The following MAPK6 variants were observed in gnomAD, a reference collection of about 807,000 sequenced individuals.
MAPK6 encodes the protein ERK-3.
A neutral mutation model predicts 59.3 loss-of-function variants in MAPK6; 19 were observed. That is an observed-to-expected ratio of 0.32 (90% CI 0.22 to 0.47). The LOEUF is 0.47. MAPK6 is among the 20% of genes least tolerant of loss of function. The pLI is 1.00. For synonymous variants in MAPK6, 316 were observed against 290.3 expected (o/e 1.09, Z -0.90); for missense variants, 724 against 847.9 (o/e 0.85, Z 1.81).
chr15:52,025,928 C>T (rs567013478), intron 1 of MAPK6, among the ~76,000 whole-genome samples: 1 of 152,126 alleles, frequency 6.6e-6, no homozygotes, highest in Admixed American at 6.5e-5. Flanking sequence ...TCTTAATGTA[C>T]AAATTGGAGA....
At chr15:52,057,158 G>A (rs4627278) in intron 3 of MAPK6, 121,317 of 151,886 alleles carry the variant, frequency 0.8, 49,797 homozygotes, top group Non-Finnish European at 0.9. Flanking sequence ...TCCCTCCCCC[G>A]GTCCAGTCAG....
intron 3 of MAPK6, among the ~76,000 whole-genome samples, chr15:52,006,371 C>G (rs959476223): frequency 6.6e-6 from 1 of 152,052 alleles, no homozygotes; most frequent in Non-Finnish European, 1.5e-5. Context: ...CTAAAATGAC[C>G]AAATAGATTT....
At chr15:52,059,472 G>T (rs546402301) in intron 4 of MAPK6, among the ~76,000 whole-genome samples, 1 of 152,116 alleles carries the variant, frequency 6.6e-6, no homozygotes, top group Non-Finnish European at 1.5e-5. Context: ...TGAATTGGGA[G>T]GTGGAGTGGG....
At chr15:51,984,139 A>G (rs2057182999) in intron 2 of MAPK6, among the ~76,000 whole-genome samples, 1 of 152,182 alleles carries the variant, frequency 6.6e-6, no homozygotes, top group African/African-American at 2.4e-5. Flanking sequence ...GTTCAAATAA[A>G]TTATAATGAT....
intron 1 of MAPK6, among the ~76,000 whole-genome samples, chr15:52,022,693 C>T (rs1039739294): frequency 6.6e-5 from 10 of 151,780 alleles, no homozygotes; most frequent in Admixed American, 5.3e-4. Context: ...CTAGAGGAAA[C>T]ATAAAAATAC....
chr15:52,031,830 A>G (rs951389789), intron 1 of MAPK6, among the ~76,000 whole-genome samples: 1 of 152,202 alleles, frequency 6.6e-6, no homozygotes, highest in Non-Finnish European at 1.5e-5. Context: ...TCCTGTCTCA[A>G]GATAAATAAA....
intron 3 of MAPK6, among the ~76,000 whole-genome samples, chr15:52,055,404 T>C (rs966662689): frequency 1.3e-5 from 2 of 152,206 alleles, no homozygotes; most frequent in Non-Finnish European, 2.9e-5. Flanking sequence ...AGACTTTGTC[T>C]TAGAACAAAA....
chr15:52,064,739 G>A lies in MAPK6; in HGVS notation c.1905G>A (p.Arg635=), dbSNP rs143385036. 1.3e-4 allele frequency: 206 copies of A among 1,611,864 alleles called. 1 individual carries two copies. In the Middle Eastern group the frequency reaches 4.1e-3, roughly 32 times the overall value. Residue 635 remains arginine (R), a synonymous_variant, in exon 6 of 6, where the codon AGG becomes AGA. Transcript: ENST00000261845. The stretch of plus-strand genomic sequence containing the variant: ...GTTACTTGGACAAGTTCTTTAGCAG[G>A]AAAGAAGATACTGAAATGCTAGAAA... The part of the protein sequence containing the change: ...YTSYLDKFFS[R]KEDTEMLETE...
At chr15:52,023,699 C>T (rs2141853925) in intron 1 of MAPK6, among the ~76,000 whole-genome samples, 1 of 152,384 alleles carries the variant, frequency 6.6e-6, no homozygotes, top group South Asian at 2.1e-4. Flanking sequence ...GCAACCTCCA[C>T]CTCCTAGGTT....
intron 2 of MAPK6, among the ~76,000 whole-genome samples, chr15:51,990,040 AAC>A (rs2057203120): frequency 6.6e-6 from 1 of 152,260 alleles, no homozygotes. Context: ...TTGGCTACTA[AAC>A]ACAGCAAGAT....
intron 1 of MAPK6, among the ~76,000 whole-genome samples, chr15:52,029,036 C>T (rs913575288): frequency 3.3e-5 from 5 of 152,148 alleles, no homozygotes; most frequent in African/African-American, 1.2e-4. Flanking sequence ...CCTTGTTATA[C>T]TGTATGCTTT....
upstream of MAPK6, chr15:52,017,295 G>C (rs576048379): frequency 6.6e-6 from 1 of 152,360 alleles, no homozygotes; most frequent in East Asian, 1.9e-4. Context: ...GGAGTTAAGA[G>C]CAATGGTTTG....
intron 1 of MAPK6, among the ~76,000 whole-genome samples, chr15:52,040,906 T>C (rs1405790146): frequency 6.6e-6 from 1 of 152,264 alleles, no homozygotes; most frequent in East Asian, 1.9e-4. Context: ...ACTTTTATTC[T>C]TATAAATTAT....
chr15:52,017,457 T>C (rs2030306211), upstream of MAPK6: 1 of 152,218 alleles, frequency 6.6e-6, no homozygotes, highest in African/African-American at 2.4e-5. Flanking sequence ...CAGAAATAAA[T>C]CACAATGATG....
In MAPK6 at chr15:52,064,793, GGA is replaced by G. The variant is rs1566916674; in HGVS notation, c.1965_1966del (p.Gly656ThrfsTer2). 1 of 1,611,908 alleles carries G rather than the reference GGA, an allele frequency of 6.2e-7. No homozygotes were observed. Among genetic ancestry groups the G allele is most frequent in the Middle Eastern group, 2.3e-4 (1 of 4,430 alleles). ...TEPVEDGKLG[E>X]RGHEEGFLNN... ...AGCCAGTAGAGGATGGGAAGCTTGG[GGA>G]GAGAGGACATGAGGAAGGATTTCTG... On this transcript the variant is annotated frameshift_variant, in exon 6 of 6. Transcript: ENST00000261845. LOFTEE classifies it high-confidence loss of function.
chr15:52,027,081 C>T (rs1045137428), intron 1 of MAPK6, among the ~76,000 whole-genome samples: 10 of 151,090 alleles, frequency 6.6e-5, no homozygotes, highest in Admixed American at 2.6e-4. Flanking sequence ...CAGCCGGGCG[C>T]GGTGGCTAAT....
At chr15:52,003,494 T>C (rs1485158055) in intron 2 of MAPK6, among the ~76,000 whole-genome samples, 1 of 152,118 alleles carries the variant, frequency 6.6e-6, no homozygotes, top group Non-Finnish European at 1.5e-5. Flanking sequence ...CGGAAGGAAA[T>C]GGTAGCTGAC....
At chr15:52,019,706 A>T (rs961317631) in intron 1 of MAPK6, among the ~76,000 whole-genome samples, 1 of 149,316 alleles carries the variant, frequency 6.7e-6, no homozygotes, top group African/African-American at 2.4e-5. Context: ...TCGCCCTGCC[A>T]GGCCGCGCCC....
chr15:52,053,594 GATTGATTGGTTGATTGATTGATTGA>G (rs2031858862), intron 3 of MAPK6, among the ~76,000 whole-genome samples: 1 of 1,650 alleles, frequency 6.1e-4, no homozygotes, highest in Admixed American at 5.0e-3. Context: ...AAACAAGATT[GATTGATTGGTTGATTGATTGATTGA>G]TTGATTGGTT....
Sources: allele counts gnomAD v4.1 joint callset (sites outside exome capture counted in the v4.1 genomes callset), GRCh38; gene constraint gnomAD v4.1.1; transcripts MANE v1.5; gene names NCBI Gene and HGNC (gene_info 2026-07-23, HGNC 2026-07-21).